The following SHLD2 variants were observed in gnomAD, a reference collection of about 807,000 sequenced individuals.
The protein encoded by SHLD2 is shieldin complex subunit 2.
SHLD2 carries 30 observed loss-of-function variants against 73.2 expected under a neutral mutation model. That is an observed-to-expected ratio of 0.41 (90% confidence interval 0.31 to 0.56). The LOEUF is 0.56. Ranked by LOEUF, SHLD2 falls within the 20% of genes least tolerant of loss-of-function variation. The pLI is 0.28. For synonymous variants in SHLD2, 285 were observed against 370.1 expected (o/e 0.77, Z 2.64); for missense variants, 745 against 1,055.9 (o/e 0.71, Z 4.08).
At position 87,121,867 on chromosome 10, in the gene SHLD2, C is replaced by T. The variant is rs140303329; in HGVS notation, c.-6+24878C>T. Among the ~76,000 whole-genome samples the T allele has an allele frequency of 9.6e-4, 144 of 150,694 alleles. 1 individual carries two copies. Among genetic ancestry groups the T allele is most frequent in the African/African-American group, 3.2e-3 (132 of 40,974 alleles). On this transcript the variant is annotated intron_variant, in intron 2 of 9. Coordinates refer to ENST00000298786, the MANE Select transcript of SHLD2 (RefSeq NM_001330112.2). ...GCATCCTCCGCCTCCTAGGTTCAAG[C>T]GATTCTTCCACCTCAGCCTCCCAAG...
intron 8 of SHLD2, among the ~76,000 whole-genome samples, chr10:87,182,464 C>T (rs1196553568): frequency 1.3e-5 from 2 of 152,150 alleles, no homozygotes; most frequent in East Asian, 3.9e-4. Flanking sequence ...ATGGAAGCAA[C>T]ATTAGATATT....
At chr10:87,159,073 TATC>T (rs1476769127) in intron 4 of SHLD2, among the ~76,000 whole-genome samples, 3 of 152,090 alleles carry the variant, frequency 2.0e-5, no homozygotes, top group African/African-American at 7.2e-5. Context: ...AATGCTGAAA[TATC>T]ATACAAGAAA....
At chr10:87,112,107 G>A (rs1381307241) in intron 2 of SHLD2, among the ~76,000 whole-genome samples, 7 of 151,398 alleles carry the variant, frequency 4.6e-5, no homozygotes, top group Non-Finnish European at 1.0e-4. Flanking sequence ...GTGTAGTGGC[G>A]GGTGCCTGTA....
chr10:87,166,151 A>C (rs1376477558), intron 4 of SHLD2, among the ~76,000 whole-genome samples: 4 of 152,108 alleles, frequency 2.6e-5, no homozygotes. Flanking sequence ...TCAACACCGT[A>C]TTAGAGTTAT....
intron 9 of SHLD2, among the ~76,000 whole-genome samples, chr10:87,188,725 T>C (rs1040645972): frequency 1.3e-5 from 2 of 152,214 alleles, no homozygotes; most frequent in Admixed American, 1.3e-4. Context: ...TGTGCTCCTG[T>C]TCCATCTCCC....
chr10:87,095,155 G>T (rs1703717464), upstream of SHLD2: 1 of 141,144 alleles, frequency 7.1e-6, no homozygotes, highest in Non-Finnish European at 1.6e-5. Flanking sequence ...GGGGCAGGGA[G>T]GGGAAGGTCG....
chr10:87,113,087 A>G (rs541681931), intron 2 of SHLD2, among the ~76,000 whole-genome samples: 15 of 152,260 alleles, frequency 9.9e-5, no homozygotes, highest in African/African-American at 2.6e-4. Context: ...GCACTTTGGG[A>G]GGCCGAGGCA....
chr10:87,094,669 C>G (rs768745478), upstream of SHLD2: 2 of 1,558,484 alleles, frequency 1.3e-6, no homozygotes, highest in African/African-American at 2.7e-5. This position sits in a 1 kb window ranked among gnomAD's most constrained non-coding sequence, Gnocchi z 6.6. Flanking sequence ...GGGCTGTCCC[C>G]GGGCCCAGCC....
chr10:87,145,616 T>C (rs1407832399), intron 2 of SHLD2, among the ~76,000 whole-genome samples: 2 of 151,836 alleles, frequency 1.3e-5, no homozygotes, highest in East Asian at 3.9e-4. Flanking sequence ...AAAAGCACTC[T>C]CTTTTAATGA....
chr10:87,127,540 C>G (rs1458808272), intron 2 of SHLD2, among the ~76,000 whole-genome samples: 5 of 66,518 alleles, frequency 7.5e-5, no homozygotes, highest in Admixed American at 6.2e-4. Flanking sequence ...CCCCCCCCCA[C>G]CCCGTCTGCC....
chr10:87,169,439 G>C (rs1236689326), intron 4 of SHLD2, among the ~76,000 whole-genome samples: 1 of 151,868 alleles, frequency 6.6e-6, no homozygotes, highest in Non-Finnish European at 1.5e-5. Context: ...ATATACAAAA[G>C]TAGAGAATAC....
intron 7 of SHLD2, 105 bp downstream of exon 7, chr10:87,176,200 C>T (rs1564613031): frequency 2.2e-6 from 3 of 1,346,212 alleles, no homozygotes; most frequent in South Asian, 1.3e-5. Context: ...CAGCTCACTG[C>T]AGTCTCCACC....
intron 9 of SHLD2, among the ~76,000 whole-genome samples, chr10:87,188,784 C>A (rs1049118538): frequency 6.6e-6 from 1 of 152,014 alleles, no homozygotes; most frequent in Non-Finnish European, 1.5e-5. Flanking sequence ...TGTTTTACAA[C>A]CTTGGTTCTC....
intron 2 of SHLD2, among the ~76,000 whole-genome samples, chr10:87,124,862 A>G (rs2134105598): frequency 6.6e-6 from 1 of 150,790 alleles, no homozygotes. Context: ...CTCCTACCTC[A>G]GCCTCCTGAG....
chr10:87,097,318 T>G (rs1261362333), intron 2 of SHLD2, among the ~76,000 whole-genome samples: 1 of 152,226 alleles, frequency 6.6e-6, no homozygotes, highest in Non-Finnish European at 1.5e-5. Context: ...CCCAGCACTT[T>G]AGGAGGCTAA....
At chr10:87,103,821 TCAA>T (rs1842420390) in intron 2 of SHLD2, among the ~76,000 whole-genome samples, 12 of 152,208 alleles carry the variant, frequency 7.9e-5, no homozygotes, top group Admixed American at 7.9e-4. Flanking sequence ...TGAGTAACAG[TCAA>T]CAAAGGTTTA....
At chr10:87,107,422 A>G (rs569129821) in intron 2 of SHLD2, among the ~76,000 whole-genome samples, 2 of 152,336 alleles carry the variant, frequency 1.3e-5, no homozygotes, top group African/African-American at 4.8e-5. Flanking sequence ...CTCAAAAAAA[A>G]GAAAAGAAAA....
intron 2 of SHLD2, among the ~76,000 whole-genome samples, chr10:87,113,518 A>T (rs1232384219): frequency 6.6e-6 from 1 of 152,190 alleles, no homozygotes; most frequent in African/African-American, 2.4e-5. Flanking sequence ...CAGGAAATCC[A>T]TAGAGATAGA....
chr10:87,120,262 T>TTTA (rs1564583628), intron 2 of SHLD2, among the ~76,000 whole-genome samples: 25 of 109,780 alleles, frequency 2.3e-4, no homozygotes, highest in East Asian at 1.4e-3. Flanking sequence ...TTATTTATTT[T>TTTA]TTTGAGACAG....
Sources: gnomAD v4.1 joint callset for allele counts (sites outside exome capture counted in the v4.1 genomes callset) on GRCh38, gnomAD v4.1.1 for gene constraint, Gnocchi (gnomAD v3.1) non-coding constraint, MANE v1.5 for transcripts, NCBI Gene and HGNC (gene_info 2026-07-23, HGNC 2026-07-21) for gene names.